The following PDZD2 variants were observed in gnomAD, a reference collection of about 807,000 sequenced individuals.
The protein encoded by PDZD2 is PDZ domain containing 2.
PDZD2 carries 90 observed loss-of-function variants against 220.7 expected under a neutral mutation model. The ratio of observed to expected loss-of-function variants is 0.41; its 90% confidence interval spans 0.34 to 0.49. PDZD2 has a LOEUF of 0.49. PDZD2 is among the 20% of genes least tolerant of loss of function. PDZD2 has a pLI of 0.28. For missense variants in PDZD2, 3,174 were observed against 3,608.5 expected (o/e 0.88, Z 3.08); for synonymous variants, 1,375 against 1,450.5 (o/e 0.95, Z 1.18).
chr5:31,900,000 C>T (rs545790167), intron 2 of PDZD2, among the ~76,000 whole-genome samples: 180 of 152,274 alleles, frequency 1.2e-3, no homozygotes, highest in South Asian at 2.3e-3. Context: ...GTTTTTCTGT[C>T]AATTGAGAAG....
chr5:32,092,277 A>G lies in PDZD2; in HGVS notation c.7728-630A>G, dbSNP rs1581478257. On this transcript the variant is annotated intron_variant, in intron 20 of 24. Coordinates refer to ENST00000438447, the MANE Select transcript of PDZD2 (RefSeq NM_178140.4). ...CAACAGAGTAAGACTCAATCTCGAA[A>G]AAAAAAAAAAAAAAGCCAGGCCCAG... Among the ~76,000 whole-genome samples, 5 of 147,970 alleles carry G rather than the reference A, an allele frequency of 3.4e-5. No individual in the cohort carries two copies. The South Asian group carries it at 1.1e-3, about 32-fold the overall frequency.
intron 1 of PDZD2, among the ~76,000 whole-genome samples, chr5:31,706,382 G>A (rs181837292): frequency 9.2e-5 from 14 of 152,184 alleles, no homozygotes; most frequent in African/African-American, 3.4e-4. Context: ...GGGAGAGATG[G>A]GGATCTATTG....
intron 1 of PDZD2, among the ~76,000 whole-genome samples, chr5:31,667,855 C>CTTTT (rs561833214): frequency 5.9e-4 from 46 of 77,960 alleles, no homozygotes; most frequent in East Asian, 2.8e-3. Flanking sequence ...TTTTTTTTTC[C>CTTTT]TTTTTTTTTT....
intron 19 of PDZD2, among the ~76,000 whole-genome samples, chr5:32,085,289 A>G (rs984829452): frequency 6.9e-6 from 1 of 144,556 alleles, no homozygotes; most frequent in Admixed American, 6.8e-5. Context: ...AATTGTACAT[A>G]CTTATGGAGC....
intron 2 of PDZD2, among the ~76,000 whole-genome samples, chr5:31,901,866 G>C (rs1354150958): frequency 6.6e-6 from 1 of 152,106 alleles, no homozygotes; most frequent in African/African-American, 2.4e-5. Flanking sequence ...AAATCTATGT[G>C]GTCTTTTGTG....
At chr5:31,707,508 G>A (rs1747887680) in intron 1 of PDZD2, among the ~76,000 whole-genome samples, 1 of 152,106 alleles carries the variant, frequency 6.6e-6, no homozygotes, top group Non-Finnish European at 1.5e-5. Context: ...AAGCCTTCAG[G>A]ACTATGGAGG....
intron 1 of PDZD2, among the ~76,000 whole-genome samples, chr5:31,711,037 G>T (rs531514159): frequency 6.6e-6 from 1 of 152,300 alleles, no homozygotes; most frequent in Non-Finnish European, 1.5e-5. Context: ...AGTAACTGTT[G>T]TTTGAGGACC....
At chr5:31,826,737 T>C (rs756092268) in intron 2 of PDZD2, among the ~76,000 whole-genome samples, 7 of 152,064 alleles carry the variant, frequency 4.6e-5, no homozygotes, top group Non-Finnish European at 1.0e-4. Context: ...AATTAAAACA[T>C]TTATCAGATA....
intron 1 of PDZD2, among the ~76,000 whole-genome samples, chr5:31,724,783 G>C (rs1374098184): frequency 6.6e-6 from 1 of 152,130 alleles, no homozygotes; most frequent in African/African-American, 2.4e-5. Flanking sequence ...CATCTGGCCA[G>C]TCAGTGTTGT....
At position 32,097,322 on chromosome 5, in the gene PDZD2, G is replaced by A; in HGVS notation, c.7889G>A (p.Gly2630Asp). ...TTCATAGTCTTGAATAGAAAAGAAG[G>A]CTCAGGTCTGGGATTCAGTGTGGCA... ...VCFIVLNRKE[G>D]SGLGFSVAGG... The change falls in exon 22 of 25, where the codon GGC becomes GAC. Residue 2630 changes from glycine (G) to aspartate (D), a missense_variant. Transcript: ENST00000438447. 1 of 1,613,444 alleles carries A rather than the reference G, an allele frequency of 6.2e-7. No individual in the cohort carries two copies. Among genetic ancestry groups the A allele is most frequent in the South Asian group, 1.1e-5 (1 of 91,072 alleles).
chr5:32,088,305 C>T lies in PDZD2; in HGVS notation c.4857C>T (p.Thr1619=). 4 of 1,614,028 alleles carry T rather than the reference C, an allele frequency of 2.5e-6. No individual in the cohort carries two copies. The highest frequency in any genetic ancestry group is 3.4e-6 in the Non-Finnish European group (4 of 1,179,936). ...CCTCGAGTCCTGCTCATCTTCCCAC[C>T]CAGGCTGCCATCTGTCCTGCCTCAG... ...NPPSSPAHLP[T]QAAICPASAK... is the part of the protein sequence containing the mutation. Residue 1619 remains threonine (T), a synonymous_variant, in exon 20 of 25, where the codon ACC becomes ACT. Coordinates refer to ENST00000438447, the MANE Select transcript of PDZD2 (RefSeq NM_178140.4). This position sits in a 1 kb window ranked among gnomAD's most constrained non-coding sequence, Gnocchi z 4.6.
intron 7 of PDZD2, among the ~76,000 whole-genome samples, chr5:32,042,423 A>AG (rs1756271552): frequency 1.1e-4 from 16 of 149,342 alleles, no homozygotes; most frequent in Admixed American, 1.1e-3. Context: ...AAAAAAAAAA[A>AG]TTAGTTGGGT....
intron 10 of PDZD2, 25 bp from the exon 11 acceptor site, chr5:32,057,630 T>C (rs1739210092): frequency 2.9e-6 from 4 of 1,357,654 alleles, no homozygotes; most frequent in Middle Eastern, 1.8e-4. Flanking sequence ...CTAATGTTAA[T>C]GTAATTCTCA....
At chr5:31,726,025 C>T (rs1262717342) in intron 1 of PDZD2, 17 of 362,674 alleles carry the variant, frequency 4.7e-5, no homozygotes, top group Non-Finnish European at 6.9e-5. Flanking sequence ...GAGTAGAAAG[C>T]GTGCTGAACC....
At chr5:31,744,803 G>A (rs1409216174) in intron 1 of PDZD2, among the ~76,000 whole-genome samples, 1 of 152,170 alleles carries the variant, frequency 6.6e-6, no homozygotes, top group Non-Finnish European at 1.5e-5. Flanking sequence ...AGGTGCAGTG[G>A]CTGACGCCTG....
At chr5:31,699,482 C>G (rs1242170667) in intron 1 of PDZD2, among the ~76,000 whole-genome samples, 2 of 152,074 alleles carry the variant, frequency 1.3e-5, no homozygotes, top group Non-Finnish European at 2.9e-5. Context: ...GGCATGGTGG[C>G]TCATGCCTGT....
intron 8 of PDZD2, among the ~76,000 whole-genome samples, chr5:32,052,120 T>C (rs1738614976): frequency 6.6e-6 from 1 of 152,176 alleles, no homozygotes; most frequent in Non-Finnish European, 1.5e-5. Flanking sequence ...GAAGAAGTCA[T>C]GGCAATCTGT....
chr5:31,856,270 G>A (rs933320096), intron 2 of PDZD2, among the ~76,000 whole-genome samples: 8 of 152,168 alleles, frequency 5.3e-5, no homozygotes, highest in South Asian at 2.1e-4. Context: ...GAGAGGATAC[G>A]GGACCCACCC....
chr5:31,694,077 C>A (rs55734726), intron 1 of PDZD2, among the ~76,000 whole-genome samples: 22,978 of 152,112 alleles, frequency 0.15, 1,768 homozygotes, highest in East Asian at 0.24. Flanking sequence ...GCTTCGTAAT[C>A]ATGTTAGCAT....
Sources: allele counts gnomAD v4.1 joint callset (sites outside exome capture counted in the v4.1 genomes callset), GRCh38; gene constraint gnomAD v4.1.1; non-coding constraint Gnocchi (gnomAD v3.1); transcripts MANE v1.5; gene names NCBI Gene and HGNC (gene_info 2026-07-23, HGNC 2026-07-21).